Variants in SPTY2D1 observed in about 807,000 individuals in gnomAD.
SPTY2D1 encodes SPT2 chromatin protein domain containing 1.
A neutral mutation model predicts 64.0 loss-of-function variants in SPTY2D1; 21 were observed. That is an observed-to-expected ratio of 0.33 (90% confidence interval 0.23 to 0.47). SPTY2D1 has a LOEUF of 0.47. Ranked by LOEUF, SPTY2D1 falls within the 20% of genes least tolerant of loss-of-function variation. SPTY2D1 has a pLI of 1.00. For missense variants in SPTY2D1, 724 were observed against 837.2 expected (o/e 0.86, Z 1.67); for synonymous variants, 287 against 286.8 (o/e 1.00, Z -0.01).
At chr11:18,610,686 A>AAAAAAC (rs1554987436) in intron 5 of SPTY2D1, among the ~76,000 whole-genome samples, 9 of 147,010 alleles carry the variant, frequency 6.1e-5, no homozygotes, top group East Asian at 2.0e-4. Context: ...AAAAAAAAAA[A>AAAAAAC]AACAACAATA....
chr11:18,632,353 T>C (rs1854601666), intron 1 of SPTY2D1, among the ~76,000 whole-genome samples: 1 of 150,370 alleles, frequency 6.7e-6, no homozygotes, highest in Non-Finnish European at 1.5e-5. Flanking sequence ...TATTATCTAT[T>C]GATTTTTTTT....
intron 1 of SPTY2D1, among the ~76,000 whole-genome samples, chr11:18,629,647 T>C (rs1014008985): frequency 6.6e-6 from 1 of 152,230 alleles, no homozygotes; most frequent in Non-Finnish European, 1.5e-5. Context: ...ATATCTTTTC[T>C]CCTTTATATA....
chr11:18,614,211 C>G (rs1450503016), intron 3 of SPTY2D1, among the ~76,000 whole-genome samples: 2 of 152,116 alleles, frequency 1.3e-5, no homozygotes, highest in African/African-American at 4.8e-5. Context: ...ATCTCTGAGC[C>G]CCGGAGTTAG....
chr11:18,628,210 TC>T (rs1302584096), intron 1 of SPTY2D1, among the ~76,000 whole-genome samples: 1 of 152,246 alleles, frequency 6.6e-6, no homozygotes, highest in Non-Finnish European at 1.5e-5. Context: ...CTGTTAAGCT[TC>T]CCCAGACCTT....
rs767263050 is a variant in SPTY2D1 at position 18,612,757 on chromosome 11, ATTTC to A, written c.1712-273_1712-270del. Among the ~76,000 whole-genome samples, 42 of 151,050 alleles carry A rather than the reference ATTTC, an allele frequency of 2.8e-4. No individual in the cohort carries two copies. The highest frequency in any genetic ancestry group is 3.4e-3 in the Middle Eastern group (1 of 292). On this transcript the variant is annotated intron_variant, in intron 3 of 5. Transcript: ENST00000336349. The surrounding 1 kb of genome is among the most constrained non-coding windows in gnomAD (Gnocchi z 4.6). ...TTTCTGAATTTATAAGATCAGTAAA[ATTTC>A]TTTCTTTCTTTTTTTTTTTTTTGAG...
chr11:18,629,055 T>C (rs1434469555), intron 1 of SPTY2D1, among the ~76,000 whole-genome samples: 1 of 152,220 alleles, frequency 6.6e-6, no homozygotes, highest in Non-Finnish European at 1.5e-5. Context: ...AATTCTGGTA[T>C]ACCTGGTACC....
chr11:18,611,582 AAG>A (rs559741890), intron 4 of SPTY2D1, 28 bp from the exon 5 acceptor site: 2 of 1,590,548 alleles, frequency 1.3e-6, no homozygotes, highest in Middle Eastern at 1.7e-4. Flanking sequence ...AAATGATAAA[AAG>A]AGAAAACTTC....
intron 2 of SPTY2D1, among the ~76,000 whole-genome samples, chr11:18,616,408 T>G (rs537832308): frequency 4.5e-4 from 68 of 152,348 alleles, no homozygotes; most frequent in African/African-American, 1.6e-3. Flanking sequence ...TATGATTCAA[T>G]GAATACTTAA....
chr11:18,611,652 AAATC>A, intron 4 of SPTY2D1, 98 bp from the exon 5 acceptor site: 4 of 964,920 alleles, frequency 4.1e-6, no homozygotes, highest in Non-Finnish European at 6.4e-6. Context: ...CTTTAAAACT[AAATC>A]AAGCACACAT....
intron 1 of SPTY2D1, among the ~76,000 whole-genome samples, chr11:18,627,675 G>A (rs1280156366): frequency 9.2e-5 from 14 of 152,100 alleles, no homozygotes; most frequent in Non-Finnish European, 1.6e-4. Flanking sequence ...TTAGGAGATC[G>A]AGACCATCCT....
intron 1 of SPTY2D1, among the ~76,000 whole-genome samples, chr11:18,618,714 C>A (rs374422124): frequency 3.5e-4 from 54 of 152,260 alleles, no homozygotes; most frequent in African/African-American, 1.3e-3. Flanking sequence ...AAAGTATTCC[C>A]AAATATGTAT....
At chr11:18,625,250 T>G (rs1565162068) in intron 1 of SPTY2D1, among the ~76,000 whole-genome samples, 1 of 152,192 alleles carries the variant, frequency 6.6e-6, no homozygotes, top group South Asian at 2.1e-4. Flanking sequence ...ATGGTTCCAT[T>G]AGAACTGCTT....
chr11:18,631,728 G>A (rs764438567), intron 1 of SPTY2D1, among the ~76,000 whole-genome samples: 1 of 151,914 alleles, frequency 6.6e-6, no homozygotes, highest in South Asian at 2.1e-4. Flanking sequence ...TGCTAAATAC[G>A]GGGTTTGGGT....
Position 18,612,563 on chromosome 11 carries a change from G to C in SPTY2D1, c.1712-75C>G. On this transcript the variant is annotated intron_variant, in intron 3 of 5. Coordinates refer to ENST00000336349, the MANE Select transcript of SPTY2D1 (RefSeq NM_194285.3). This position sits in a 1 kb window ranked among gnomAD's most constrained non-coding sequence, Gnocchi z 4.6. ...GCAGTTCTATGTAAACTGAAATTGT[G>C]AGTCATCATTAAGATGGTATCCTTT... The C allele has an allele frequency of 7.6e-7, 1 of 1,315,208 alleles. No homozygotes were observed. 81.5% of individuals were successfully genotyped at this position (1,315,208 alleles called of 1,614,324 possible).
intron 1 of SPTY2D1, among the ~76,000 whole-genome samples, chr11:18,618,957 C>T (rs962918077): frequency 2.0e-5 from 3 of 152,180 alleles, no homozygotes; most frequent in Admixed American, 6.5e-5. Context: ...TCCCAGTCAC[C>T]TTGGCTAGGC....
Position 18,612,092 on chromosome 11 carries a change from G to T in SPTY2D1, c.1886+222C>A. The T allele has an allele frequency of 2.7e-6, 1 of 369,764 alleles. No homozygotes were observed. The highest frequency in any genetic ancestry group is 4.7e-6 in the Non-Finnish European group (1 of 210,906). The allele number at this position is 369,764 out of a possible 1,614,324, so 22.9% of individuals were successfully genotyped here. ...TCTTATAAGAATAACAATTTAAAAG[G>T]GTTATTTTTTGTTCCTCATGCAAAT... On this transcript the variant is annotated intron_variant, in intron 4 of 5. Coordinates refer to ENST00000336349, the MANE Select transcript of SPTY2D1 (RefSeq NM_194285.3). The surrounding 1 kb of genome is among the most constrained non-coding windows in gnomAD (Gnocchi z 4.6).
intron 1 of SPTY2D1, among the ~76,000 whole-genome samples, chr11:18,623,132 C>T (rs72881335): frequency 0.025 from 3,871 of 152,108 alleles, 55 homozygotes; most frequent in Middle Eastern, 0.044. Context: ...TTCAATATTT[C>T]TAGGCTATGT....
Position 18,614,979 on chromosome 11 carries a change from G to A in SPTY2D1, c.1295C>T (p.Thr432Ile). Residue 432 changes from threonine to isoleucine, a missense_variant, in exon 3 of 6, where the codon ACA becomes ATA. Thr to Ile is a moderately conservative substitution (Grantham distance 89). Transcript: ENST00000336349. ...GCTTGCAGGTTGTCCAGGGCCACAT[G>A]TACCACTGACTGTCCGCCTAGAGGG... is the stretch of plus-strand genomic sequence containing the variant. Reference protein sequence around the residue: ...SNPSRRTVSGTCGPGQPASSS... With the variant: ...SNPSRRTVSGICGPGQPASSS... The A allele has an allele frequency of 6.2e-7, 1 of 1,614,170 alleles. No homozygotes were observed. Among genetic ancestry groups the A allele is most frequent in the South Asian group, 1.1e-5 (1 of 91,092 alleles).
chr11:18,623,207 A>G (rs1248527029), intron 1 of SPTY2D1, among the ~76,000 whole-genome samples: 1 of 152,208 alleles, frequency 6.6e-6, no homozygotes, highest in African/African-American at 2.4e-5. Context: ...AAATCCATGT[A>G]TAAGTGGGTC....
Sources: gnomAD v4.1 joint callset for allele counts (sites outside exome capture counted in the v4.1 genomes callset) on GRCh38, gnomAD v4.1.1 for gene constraint, Gnocchi (gnomAD v3.1) non-coding constraint, MANE v1.5 for transcripts, NCBI Gene and HGNC (gene_info 2026-07-23, HGNC 2026-07-21) for gene names.